The following LDLRAD4 variants were observed in gnomAD, a reference collection of about 807,000 sequenced individuals.
The protein encoded by LDLRAD4 is low density lipoprotein receptor class A domain containing 4, also known as low-density lipoprotein receptor class A domain-containing protein 4.
In LDLRAD4, 5 loss-of-function variants were observed where a neutral mutation model predicts 17.0. The observed-to-expected ratio is 0.29, with a 90% confidence interval of 0.15 to 0.62. The LOEUF is 0.62. Ranked by LOEUF, LDLRAD4 falls within the 20% of genes least tolerant of loss-of-function variation. The probability of loss-of-function intolerance (pLI) is 0.84; values close to 1 mark genes in which losing one functional copy is unlikely to be tolerated. For synonymous variants in LDLRAD4, 168 were observed against 171.8 expected (o/e 0.98, Z 0.17); for missense variants, 340 against 424.7 (o/e 0.80, Z 1.75).
At chr18:13,281,836 A>G (rs543349566) in intron 1 of LDLRAD4, among the ~76,000 whole-genome samples, 1 of 152,284 alleles carries the variant, frequency 6.6e-6, no homozygotes, top group South Asian at 2.1e-4. Flanking sequence ...CTGAAGCTCC[A>G]TCTCACCATT....
intron 3 of LDLRAD4, among the ~76,000 whole-genome samples, chr18:13,569,368 A>G (rs544189183): frequency 6.6e-6 from 1 of 152,158 alleles, no homozygotes; most frequent in Non-Finnish European, 1.5e-5. Flanking sequence ...CTATAGAAAA[A>G]CTTTTTTTCA....
chr18:13,578,856 G>C (rs1419269316), intron 3 of LDLRAD4, among the ~76,000 whole-genome samples: 1 of 2,968 alleles, frequency 3.4e-4, no homozygotes, highest in Non-Finnish European at 9.8e-4. Flanking sequence ...TTTTTTTTTT[G>C]TCAGAGATCA....
intron 1 of LDLRAD4, among the ~76,000 whole-genome samples, chr18:13,339,168 G>A (rs184452138): frequency 2.5e-3 from 374 of 151,652 alleles, no homozygotes; most frequent in Non-Finnish European, 4.2e-3. Flanking sequence ...TATATAGTGA[G>A]CACATAATCT....
intron 2 of LDLRAD4, among the ~76,000 whole-genome samples, chr18:13,409,570 T>C (rs944527532): frequency 1.3e-5 from 2 of 152,270 alleles, no homozygotes; most frequent in South Asian, 4.1e-4. Context: ...CTGTATCTTA[T>C]TTAGTTTCTA....
At chr18:13,369,301 C>T (rs1022363570) in intron 1 of LDLRAD4, among the ~76,000 whole-genome samples, 6 of 152,212 alleles carry the variant, frequency 3.9e-5, no homozygotes, top group African/African-American at 1.2e-4. Flanking sequence ...TTTCTGCCCT[C>T]TAGTTGCTGT....
intron 4 of LDLRAD4, among the ~76,000 whole-genome samples, chr18:13,631,809 C>A (rs921275266): frequency 6.6e-6 from 1 of 152,066 alleles, no homozygotes; most frequent in Non-Finnish European, 1.5e-5. Flanking sequence ...CACCTGCAAT[C>A]CCAACTACTC....
At chr18:13,577,289 T>C (rs1601508250) in intron 3 of LDLRAD4, among the ~76,000 whole-genome samples, 1 of 152,152 alleles carries the variant, frequency 6.6e-6, no homozygotes, top group East Asian at 1.9e-4. Flanking sequence ...GGTTGTGTAA[T>C]GGACAACAAA....
intron 1 of LDLRAD4, among the ~76,000 whole-genome samples, chr18:13,384,914 C>G (rs1375593650): frequency 6.6e-6 from 1 of 152,208 alleles, no homozygotes; most frequent in Non-Finnish European, 1.5e-5. Context: ...GCTTCCGTAT[C>G]TTGGTTATTG....
intron 2 of LDLRAD4, among the ~76,000 whole-genome samples, chr18:13,431,047 G>C (rs572881830): frequency 6.6e-6 from 1 of 152,202 alleles, no homozygotes; most frequent in Non-Finnish European, 1.5e-5. Flanking sequence ...TTAAAATTAT[G>C]AATTTTAATG....
intron 1 of LDLRAD4, among the ~76,000 whole-genome samples, chr18:13,376,314 T>C (rs1361707703): frequency 6.6e-6 from 1 of 152,180 alleles, no homozygotes; most frequent in Non-Finnish European, 1.5e-5. Context: ...AAAGAAGACA[T>C]GACTTTCCGT....
intron 3 of LDLRAD4, among the ~76,000 whole-genome samples, chr18:13,588,571 G>GC (rs1555756416): frequency 1.3e-5 from 2 of 149,556 alleles, no homozygotes; most frequent in African/African-American, 4.9e-5. Flanking sequence ...CCCTTAGCAT[G>GC]TTATTTTTTT....
chr18:13,560,644 G>C (rs1242611010), intron 3 of LDLRAD4, among the ~76,000 whole-genome samples: 1 of 152,204 alleles, frequency 6.6e-6, no homozygotes, highest in Admixed American at 6.5e-5. Flanking sequence ...AATCTTTTCT[G>C]AGAAGACCAG....
chr18:13,408,180 C>G (rs1476816440), intron 2 of LDLRAD4, among the ~76,000 whole-genome samples: 1 of 151,984 alleles, frequency 6.6e-6, no homozygotes, highest in Non-Finnish European at 1.5e-5. Context: ...TCGAGACCAG[C>G]TTGGGCAACA....
chr18:13,261,197 C>T (rs1190518116), intron 1 of LDLRAD4, among the ~76,000 whole-genome samples: 2 of 152,242 alleles, frequency 1.3e-5, no homozygotes, highest in African/African-American at 4.8e-5. Context: ...TTAGTCCTGG[C>T]TCCAGGGAAT....
chr18:13,453,115 G>A (rs948415697), intron 3 of LDLRAD4, among the ~76,000 whole-genome samples: 8 of 152,190 alleles, frequency 5.3e-5, no homozygotes, highest in Non-Finnish European at 8.8e-5. Flanking sequence ...AGGAATCACA[G>A]GGACAGTCAT....
intron 1 of LDLRAD4, among the ~76,000 whole-genome samples, chr18:13,244,631 T>C (rs1208718176): frequency 6.6e-6 from 1 of 152,204 alleles, no homozygotes; most frequent in Non-Finnish European, 1.5e-5. Flanking sequence ...TGGTTAATAT[T>C]GTAGTCATTT....
intron 1 of LDLRAD4, among the ~76,000 whole-genome samples, chr18:13,359,851 T>C (rs551373531): frequency 1.3e-5 from 2 of 152,354 alleles, no homozygotes; most frequent in East Asian, 3.9e-4. Flanking sequence ...AGGGTTCTGA[T>C]GCCTCCAACC....
chr18:13,616,254 G>GGGGT (rs1568411001), intron 3 of LDLRAD4: 1 of 24,710 alleles, frequency 4.0e-5, no homozygotes, highest in African/African-American at 6.7e-5. Flanking sequence ...GGACAGGTGG[G>GGGGT]GGGGGGGGGG....
intron 2 of LDLRAD4, among the ~76,000 whole-genome samples, chr18:13,436,893 A>C (rs1282615578): frequency 6.6e-6 from 1 of 152,218 alleles, no homozygotes; most frequent in Non-Finnish European, 1.5e-5. Context: ...TTCTTTTTCT[A>C]TACTCTTTTA....
Sources: allele counts gnomAD v4.1 joint callset (sites outside exome capture counted in the v4.1 genomes callset), GRCh38; gene constraint gnomAD v4.1.1; transcripts MANE v1.5; gene names NCBI Gene and HGNC (gene_info 2026-07-23, HGNC 2026-07-21).